PPP1R12C: variants seen among roughly 807,000 people sequenced by gnomAD.
PPP1R12C encodes leukocyte receptor cluster (LRC) encoded novel gene 3.
Under a neutral mutation model 95.6 loss-of-function variants are expected in PPP1R12C, and 48 were observed. The observed-to-expected ratio is 0.50, with a 90% CI of 0.40 to 0.64. PPP1R12C has a LOEUF of 0.64. Ranked by LOEUF, PPP1R12C falls within the 30% of genes least tolerant of loss-of-function variation. The pLI is 0.00. For synonymous variants in PPP1R12C, 480 were observed against 460.8 expected, an observed-to-expected ratio of 1.04 and a Z score of -0.53; for missense variants, 1,057 against 1,083.3, an observed-to-expected ratio of 0.98 and a Z score of 0.34.
chr19:55,096,221 TC>T, intron 7 of PPP1R12C, 40 bp downstream of exon 7: 1 of 1,613,284 alleles, frequency 6.2e-7, no homozygotes, highest in Non-Finnish European at 8.5e-7. Flanking sequence ...GCCCGGGGCC[TC>T]CAGCCACCCC....
intron 1 of PPP1R12C, chr19:55,115,379 ATT>A (rs2147216934): frequency 6.6e-6 from 1 of 152,238 alleles, no homozygotes; most frequent in African/African-American, 2.4e-5. Context: ...ACTTATTCTG[ATT>A]TTGTTTTTCC....
intron 6 of PPP1R12C, among the ~76,000 whole-genome samples, chr19:55,097,347 G>A (rs1568809420): frequency 2.2e-5 from 2 of 92,484 alleles, no homozygotes; most frequent in South Asian, 5.3e-4. Flanking sequence ...GTTCACCACC[G>A]TCTTCGCCCC....
At position 55,096,092 on chromosome 19, in the gene PPP1R12C, G is replaced by A. The variant is rs756963072; in HGVS notation, c.1112C>T (p.Pro371Leu). ...CCCCTCATCCTCGTCCTGGATGGGGGGCCCCCCAGCCCCACCAGGCCGGCG... is the reference window on the plus strand; with the variant it reads ...CCCCTCATCCTCGTCCTGGATGGGGAGCCCCCCAGCCCCACCAGGCCGGCG... Reference protein sequence around the residue: ...KERRPGGAGGPPIQDEDEGEE... With the variant: ...KERRPGGAGGLPIQDEDEGEE... Residue 371 changes from proline (P) to leucine (L), a missense_variant, in exon 8 of 22, where the codon CCC becomes CTC. This residue lies in a region of PPP1R12C where 356 missense variants were observed against 330.5 expected (regional missense o/e 1.08). Transcript: ENST00000263433. 1.2e-6 allele frequency: 2 copies of A among 1,603,302 alleles called. No homozygotes were observed. The highest frequency in any genetic ancestry group is 1.1e-5 in the South Asian group (1 of 89,864).
In PPP1R12C at chr19:55,096,041, G is replaced by T; in HGVS notation, c.1153+10C>A. 6.2e-7 allele frequency: 1 copy of T among 1,609,240 alleles called. No homozygotes were observed. On this transcript the variant is annotated intron_variant, in intron 8 of 21. Transcript: ENST00000263433. ...CCTCGGACCCAGGAGTCCAGATTCA[G>T]GCCCCTCACCGGTGGGACCTTCTTC...
chr19:55,094,528 G>A (rs755488743), intron 12 of PPP1R12C, 93 bp from the exon 13 acceptor site: 291 of 1,584,264 alleles, frequency 1.8e-4, no homozygotes, highest in Non-Finnish European at 2.4e-4. Flanking sequence ...TTCTGTGGGA[G>A]GGGACTCCAA....
intron 3 of PPP1R12C, 53 bp downstream of exon 3, chr19:55,112,414 G>A (rs2085105809): frequency 6.6e-7 from 1 of 1,517,096 alleles, no homozygotes; most frequent in East Asian, 2.3e-5. Context: ...TCAGCCTGGA[G>A]ACCACGGGTG....
intron 3 of PPP1R12C, chr19:55,112,026 T>G (rs979180989): frequency 1.3e-5 from 2 of 158,874 alleles, no homozygotes; most frequent in Non-Finnish European, 2.8e-5. Context: ...TGAAGGCTCC[T>G]GGGGTACGAT....
At position 55,109,446 on chromosome 19, in the gene PPP1R12C, T is replaced by G. The variant is rs143592460; in HGVS notation, c.571+3021A>C. Among the ~76,000 whole-genome samples, 7 of 152,342 alleles carry G rather than the reference T, an allele frequency of 4.6e-5. No individual in the cohort carries two copies. The highest frequency in any genetic ancestry group is 1.7e-4 in the African/African-American group (7 of 41,584). On this transcript the variant is annotated intron_variant, in intron 3 of 21. Transcript: ENST00000263433. The surrounding 1 kb of genome is among the most constrained non-coding windows in gnomAD (Gnocchi z 4.4). Reference sequence around the variant, plus strand: ...GCCAGGAGGAACGGGTTTTGGTTCTTGCAAAGAGTCATGCCCGATTCAGCC... The same window carrying G: ...GCCAGGAGGAACGGGTTTTGGTTCTGGCAAAGAGTCATGCCCGATTCAGCC...
In PPP1R12C at chr19:55,092,465, C is replaced by T; in HGVS notation, c.2032G>A (p.Glu678Lys). The change falls in exon 18 of 22, where the codon GAG (glutamate) becomes AAG (lysine). Residue 678 changes from glutamate (E) to lysine (K), a missense_variant. Glu to Lys is a moderately conservative substitution (Grantham distance 56, BLOSUM62 1). Around this residue, in one of 5 missense-constraint regions of PPP1R12C, gnomAD observed 347 missense variants for 307.9 expected, o/e 1.13. Coordinates refer to ENST00000263433, the MANE Select transcript of PPP1R12C (RefSeq NM_017607.4). ...ACCGTCCTAAAGCCTCCGTCTGGCT[C>T]TTCCGATTCTGGCTCAGGTTCTGGG... ...LNPEPEPESE[E>K]PDGGFRTLYA... 2 of 1,609,730 alleles carry T rather than the reference C, an allele frequency of 1.2e-6. No homozygotes were observed. The highest frequency in any genetic ancestry group is 1.3e-5 in the African/African-American group (1 of 74,996).
chr19:55,095,496 A>T lies in PPP1R12C; in HGVS notation c.1335T>A (p.Ala445=). 3 of 1,570,852 alleles carry T rather than the reference A, an allele frequency of 1.9e-6. No individual in the cohort carries two copies. Among genetic ancestry groups the T allele is most frequent in the Non-Finnish European group, 2.6e-6 (3 of 1,158,142 alleles). The change falls in exon 10 of 22, where the codon GCT becomes GCA. Residue 445 remains alanine, a synonymous_variant. Transcript: ENST00000263433. The stretch of plus-strand genomic sequence containing the variant: ...AGGAGGAAGCCGAGCGCTGCAGCCC[A>T]GCCCCAGGGGCTCCCTCCGCTGTCC... ...ERRTAEGAPG[A]GLQRSASSSW... is the part of the protein sequence containing the mutation.
At chr19:55,095,089 G>T in intron 11 of PPP1R12C, 1 of 711,636 alleles carries the variant, frequency 1.4e-6, no homozygotes, top group Non-Finnish European at 2.4e-6. Context: ...CCTCGGGGTG[G>T]GGGGAAGATA....
chr19:55,095,396 C>A, intron 10 of PPP1R12C, 38 bp from the exon 11 acceptor site: 1 of 1,568,736 alleles, frequency 6.4e-7, no homozygotes, highest in East Asian at 2.4e-5. Flanking sequence ...GGGCAGTTCC[C>A]TCGACTGGGC....
rs759626424 is a variant in PPP1R12C at position 55,092,560 on chromosome 19, A to C, written c.1953-16T>G. On this transcript the variant is annotated splice_polypyrimidine_tract_variant and intron_variant, in intron 17 of 21. Coordinates refer to ENST00000263433, the MANE Select transcript of PPP1R12C (RefSeq NM_017607.4). ...CTCCAGGGTGCTGGGGCAGGGGAGG[A>C]GCGCGCGTCAGGGGCCGGCCCGGCC... The C allele has an allele frequency of 4.4e-6, 7 of 1,585,476 alleles. No homozygotes were observed. Among genetic ancestry groups the C allele is most frequent in the Non-Finnish European group, 6.0e-6 (7 of 1,166,508 alleles).
At position 55,109,832 on chromosome 19, in the gene PPP1R12C, G is replaced by A. The variant is rs1045676216; in HGVS notation, c.571+2635C>T. On this transcript the variant is annotated intron_variant, in intron 3 of 21. Transcript: ENST00000263433. The surrounding 1 kb of genome is among the most constrained non-coding windows in gnomAD (Gnocchi z 4.4). ...AGGTCCTGCGCACTGCAGCCCCTCT[G>A]AGGCTCCTGTGTGGAGCCGGGTGTC... is the stretch of plus-strand genomic sequence containing the variant. 6.6e-6 allele frequency among the ~76,000 whole-genome samples: 1 copy of A among 152,222 alleles called. No homozygotes were observed. Among genetic ancestry groups the A allele is most frequent in the African/African-American group, 2.4e-5 (1 of 41,466 alleles).
In PPP1R12C at chr19:55,095,315, G is replaced by A. The variant is rs779932431; in HGVS notation, c.1430C>T (p.Pro477Leu). The A allele has an allele frequency of 2.5e-6, 4 of 1,586,324 alleles. No individual in the cohort carries two copies. The Admixed American group carries it at 5.3e-5, about 21-fold the overall frequency. Reference sequence around the variant, plus strand: ...CAGGACAGAGGGCTCCGGCAGCTTCGGGGAGGGGGTCGGGGTAATTCTGGC... The same window carrying A: ...CAGGACAGAGGGCTCCGGCAGCTTCAGGGAGGGGGTCGGGGTAATTCTGGC... ...RLARITPTPS[P>L]KLPEPSVLSE... is the part of the protein sequence containing the mutation. The change falls in exon 11 of 22, where the codon CCG (proline) becomes CTG (leucine). Residue 477 changes from proline to leucine, a missense_variant. Pro to Leu is a moderately conservative substitution (Grantham distance 98, BLOSUM62 -3). Transcript: ENST00000263433.
chr19:55,111,384 T>A (rs193159421), intron 3 of PPP1R12C: 1 of 152,188 alleles, frequency 6.6e-6, no homozygotes, highest in East Asian at 1.9e-4. Context: ...GTGAAAGTCA[T>A]ATGGGTAGTC....
intron 4 of PPP1R12C, among the ~76,000 whole-genome samples, chr19:55,100,027 C>A (rs1169270946): frequency 1.3e-5 from 2 of 152,186 alleles, no homozygotes; most frequent in African/African-American, 4.8e-5. Flanking sequence ...ACGCTTTGCC[C>A]GGAGCTCACC....
At chr19:55,112,873 A>T in intron 1 of PPP1R12C, 78 bp from the exon 2 acceptor site, 1 of 1,572,730 alleles carries the variant, frequency 6.4e-7, no homozygotes, top group Non-Finnish European at 8.6e-7. Context: ...AGAGGGAGCC[A>T]CGAAAACAGA....
chr19:55,107,105 T>C (rs1253531233), intron 3 of PPP1R12C, among the ~76,000 whole-genome samples: 5 of 151,392 alleles, frequency 3.3e-5, no homozygotes, highest in Non-Finnish European at 5.9e-5. Flanking sequence ...CATAAGGCCA[T>C]AGACTGCCTT....
Sources: allele counts gnomAD v4.1 joint callset (sites outside exome capture counted in the v4.1 genomes callset), GRCh38; gene constraint gnomAD v4.1.1; regional missense constraint gnomAD v4.1.1; non-coding constraint Gnocchi (gnomAD v3.1); transcripts MANE v1.5; gene names NCBI Gene and HGNC (gene_info 2026-07-23, HGNC 2026-07-21).